PRKD1: variants seen among roughly 807,000 people sequenced by gnomAD.
The protein encoded by PRKD1 is protein kinase D1, also known as serine/threonine-protein kinase D1.
In PRKD1, 63 loss-of-function variants were observed where a neutral mutation model predicts 95.9. The observed-to-expected ratio is 0.66, with a 90% CI of 0.54 to 0.81. PRKD1 has a LOEUF of 0.81. PRKD1 is among the 30% of genes least tolerant of loss of function. The pLI is 0.00. For missense variants in PRKD1, 1,048 were observed against 1,165.3 expected (o/e 0.90, Z 1.47); for synonymous variants, 425 against 423.1 (o/e 1.00, Z -0.05).
At chr14:29,646,222 T>C (rs1046390097) in intron 4 of PRKD1, among the ~76,000 whole-genome samples, 50 of 152,106 alleles carry the variant, frequency 3.3e-4, no homozygotes, top group Non-Finnish European at 4.1e-4. Flanking sequence ...TGTGCATTAT[T>C]AGTAATTAAA....
intron 1 of PRKD1, among the ~76,000 whole-genome samples, chr14:29,869,944 T>A (rs535449506): frequency 6.6e-6 from 1 of 152,316 alleles, no homozygotes; most frequent in South Asian, 2.1e-4. Flanking sequence ...AAAAGGAAGA[T>A]CACCATCATT....
At chr14:29,715,081 A>G (rs2139366571) in intron 2 of PRKD1, among the ~76,000 whole-genome samples, 1 of 152,308 alleles carries the variant, frequency 6.6e-6, no homozygotes, top group Non-Finnish European at 1.5e-5. Context: ...CATGTTCTGC[A>G]CATGTACCCC....
chr14:29,843,046 C>A (rs902584647), intron 1 of PRKD1, among the ~76,000 whole-genome samples: 2 of 152,154 alleles, frequency 1.3e-5, no homozygotes, highest in African/African-American at 4.8e-5. Flanking sequence ...AATTGTTTAT[C>A]CCCAAAATGT....
intron 4 of PRKD1, among the ~76,000 whole-genome samples, chr14:29,659,524 G>A (rs561631764): frequency 6.6e-6 from 1 of 152,182 alleles, no homozygotes; most frequent in South Asian, 2.1e-4. Flanking sequence ...CATGTGTTTA[G>A]CTTTACGAGA....
chr14:29,818,529 T>A (rs1890780904), intron 1 of PRKD1, among the ~76,000 whole-genome samples: 1 of 151,604 alleles, frequency 6.6e-6, no homozygotes, highest in Non-Finnish European at 1.5e-5. Context: ...AGACTTAATA[T>A]CAATTAATTG....
rs148748320 is a variant in PRKD1, at chr14:29,638,834, G to T, written c.767C>A (p.Pro256Gln). ...CATCAAAATCTTGTCAAGGTGAATT[G>T]GTCGTCCAATGTATGATTGAGAATT... ...RSNSQSYIGR[P>Q]IHLDKILMSK... Residue 256 changes from proline to glutamine, a missense_variant, in exon 5 of 18, where the codon CCA (proline) becomes CAA (glutamine). Transcript: ENST00000331968. 2 of 1,614,020 alleles carry T rather than the reference G, an allele frequency of 1.2e-6. No individual in the cohort carries two copies. The highest frequency in any genetic ancestry group is 2.2e-5 in the South Asian group (2 of 91,078).
At chr14:29,586,203 G>T (rs1447738737) in intron 16 of PRKD1, among the ~76,000 whole-genome samples, 3 of 152,166 alleles carry the variant, frequency 2.0e-5, no homozygotes, top group Non-Finnish European at 4.4e-5. Context: ...ATACAGAAAG[G>T]TATCTAATCA....
chr14:29,876,193 C>T (rs1179421223), intron 1 of PRKD1, among the ~76,000 whole-genome samples: 1 of 152,182 alleles, frequency 6.6e-6, no homozygotes, highest in Non-Finnish European at 1.5e-5. Flanking sequence ...GGAACAAAAA[C>T]AGTCAGTGTC....
At chr14:29,836,783 G>T (rs1307306248) in intron 1 of PRKD1, among the ~76,000 whole-genome samples, 4 of 152,186 alleles carry the variant, frequency 2.6e-5, no homozygotes, top group African/African-American at 7.2e-5. Context: ...CATCATGAAG[G>T]CCCTGTTGGG....
intron 8 of PRKD1, 104 bp from the exon 9 acceptor site, chr14:29,633,050 G>T: frequency 9.3e-7 from 1 of 1,070,764 alleles, no homozygotes; most frequent in Non-Finnish European, 1.4e-6. Context: ...ATTTGAGGGT[G>T]GAAAGTGCAT....
At position 29,793,652 on chromosome 14, in the gene PRKD1, GT is replaced by G. The variant is rs572577182; in HGVS notation, c.265-67979del. On this transcript the variant is annotated intron_variant, in intron 1 of 17. Coordinates refer to ENST00000331968, the MANE Select transcript of PRKD1 (RefSeq NM_002742.3). Reference sequence around the variant, plus strand: ...TTCAAATAGGAAGAGATGAGCGCAAGTTTTTTTTTTAAAGCTTTTATAAAAT... The same window carrying G: ...TTCAAATAGGAAGAGATGAGCGCAAGTTTTTTTTTAAAGCTTTTATAAAAT... Among the ~76,000 whole-genome samples, 309 of 149,230 alleles carry G rather than the reference GT, an allele frequency of 2.1e-3. 1 individual carries two copies. Among genetic ancestry groups the G allele is most frequent in the African/African-American group, 7.0e-3 (284 of 40,838 alleles).
chr14:29,577,365 T>G lies in PRKD1; in HGVS notation c.2612A>C (p.Lys871Thr). 6.2e-7 allele frequency: 1 copy of G among 1,613,832 alleles called. No homozygotes were observed. Among genetic ancestry groups the G allele is most frequent in the Middle Eastern group, 1.7e-4 (1 of 6,058 alleles). ...THESDDLRWE[K>T]YAGEQGLQYP... ...CTGCAGCCCCTGCTCGCCTGCATAC[T>G]TCTCCCACCTCAGGTCATCACTTTC... The change falls in exon 18 of 18, where the codon AAG becomes ACG. Residue 871 changes from lysine to threonine, a missense_variant. Lys to Thr is a moderately conservative substitution (Grantham distance 78). Around this residue, in one of 3 missense-constraint regions of PRKD1, gnomAD observed 739 missense variants for 861.9 expected, o/e 0.86. Transcript: ENST00000331968.
intron 2 of PRKD1, among the ~76,000 whole-genome samples, chr14:29,689,380 G>C (rs1359207802): frequency 6.6e-6 from 1 of 152,064 alleles, no homozygotes; most frequent in Non-Finnish European, 1.5e-5. Context: ...CTGATCATTA[G>C]AGAAATACAA....
intron 16 of PRKD1, chr14:29,594,292 T>C: frequency 6.1e-6 from 2 of 326,626 alleles, no homozygotes; most frequent in Non-Finnish European, 1.2e-5. Context: ...AAAAAATACA[T>C]TACAACTAGC....
At chr14:29,678,906 A>C (rs1461236828) in intron 2 of PRKD1, among the ~76,000 whole-genome samples, 1 of 152,220 alleles carries the variant, frequency 6.6e-6, no homozygotes, top group Non-Finnish European at 1.5e-5. Flanking sequence ...ATAAGCATTA[A>C]AATAAATACT....
At position 29,759,725 on chromosome 14, in the gene PRKD1, G is replaced by A. The variant is rs45477600; in HGVS notation, c.265-34051C>T. Among the ~76,000 whole-genome samples the A allele has an allele frequency of 4.5e-4, 68 of 152,250 alleles. No individual in the cohort carries two copies. The East Asian group carries it at 9.5e-3, about 21-fold the overall frequency. ...ACAGAAAATGTGAGAGTCACGGCACGGTGGCAGAAACTGGCATTGTGCGCA... is the reference window on the plus strand; with the variant it reads ...ACAGAAAATGTGAGAGTCACGGCACAGTGGCAGAAACTGGCATTGTGCGCA... On this transcript the variant is annotated intron_variant, in intron 1 of 17. Transcript: ENST00000331968.
chr14:29,834,232 T>C (rs182484227), intron 1 of PRKD1, among the ~76,000 whole-genome samples: 54 of 152,258 alleles, frequency 3.5e-4, no homozygotes, highest in Middle Eastern at 6.8e-3. Context: ...ATTGTTTTAG[T>C]AGAAGAATAA....
At chr14:29,607,031 C>T (rs1236868572) in intron 13 of PRKD1, among the ~76,000 whole-genome samples, 1 of 152,182 alleles carries the variant, frequency 6.6e-6, no homozygotes, top group Non-Finnish European at 1.5e-5. Context: ...AATGTGTCAA[C>T]TCATAACACA....
intron 2 of PRKD1, among the ~76,000 whole-genome samples, chr14:29,715,796 C>G (rs1885577287): frequency 6.6e-6 from 1 of 152,116 alleles, no homozygotes; most frequent in Non-Finnish European, 1.5e-5. Flanking sequence ...TCATTATATC[C>G]TATGTGTCAA....
Sources: allele counts gnomAD v4.1 joint callset (sites outside exome capture counted in the v4.1 genomes callset), GRCh38; gene constraint gnomAD v4.1.1; regional missense constraint gnomAD v4.1.1; transcripts MANE v1.5; gene names NCBI Gene and HGNC (gene_info 2026-07-23, HGNC 2026-07-21).